MEF2A: variants seen among roughly 807,000 people sequenced by gnomAD.
The protein encoded by MEF2A is myocyte-specific enhancer factor 2A.
Under a neutral mutation model 55.8 loss-of-function variants are expected in MEF2A, and 28 were observed. The observed-to-expected ratio is 0.50, with a 90% confidence interval of 0.37 to 0.69. The LOEUF (loss-of-function observed/expected upper bound fraction) is 0.69, where lower values mean the gene tolerates loss of function less well. Among genes scored for constraint, MEF2A ranks in the 30% least tolerant of loss-of-function variants. MEF2A has a pLI of 0.00. For synonymous variants in MEF2A, 239 were observed against 227.1 expected (o/e 1.05, Z -0.47); for missense variants, 528 against 626.2 (o/e 0.84, Z 1.67).
In MEF2A at chr15:99,671,446, C is replaced by T. The variant is rs1438512460; in HGVS notation, c.382C>T (p.Arg128Ter). 2 of 1,613,862 alleles carry T rather than the reference C, an allele frequency of 1.2e-6. No individual in the cohort carries two copies. The highest frequency in any genetic ancestry group is 8.5e-7 in the Non-Finnish European group (1 of 1,179,786). ...TGAAGATAGTGATTTTATTTTCAAA[C>T]GAGGCCCTGTAAGTACTTTTACTTT... Reference protein sequence around the residue: ...LNEDSDFIFKRGPPGLPPQNF... With the variant: ...LNEDSDFIFK The change falls in exon 5 of 12, where the codon CGA becomes TGA. Residue 128 changes from arginine to a stop codon, truncating the protein, a stop_gained. Coordinates refer to ENST00000557942, the MANE Select transcript of MEF2A (RefSeq NM_001319206.4). LOFTEE classifies it high-confidence loss of function.
At chr15:99,577,571 C>G (rs1213389533) in intron 1 of MEF2A, among the ~76,000 whole-genome samples, 1 of 152,148 alleles carries the variant, frequency 6.6e-6, no homozygotes, top group African/African-American at 2.4e-5. Context: ...AGCTATATAA[C>G]CATAATGTAA....
chr15:99,607,045 G>A (rs1249703156), intron 2 of MEF2A, among the ~76,000 whole-genome samples: 1 of 152,062 alleles, frequency 6.6e-6, no homozygotes, highest in Non-Finnish European at 1.5e-5. Flanking sequence ...AATGAAGCCA[G>A]AAATCACACA....
chr15:99,610,411 GCCCCCCCCCC>G (rs59710476), intron 2 of MEF2A, among the ~76,000 whole-genome samples: 3 of 71,574 alleles, frequency 4.2e-5, no homozygotes, highest in African/African-American at 2.2e-4. Context: ...GGTCTCCCCC[GCCCCCCCCCC>G]CCCCCACCCC....
At chr15:99,609,003 T>G (rs764409600) in intron 2 of MEF2A, among the ~76,000 whole-genome samples, 1 of 152,204 alleles carries the variant, frequency 6.6e-6, no homozygotes, top group African/African-American at 2.4e-5. Context: ...GTAGATAGTT[T>G]AGAGGTATCA....
In MEF2A at chr15:99,715,557, C is replaced by G. The variant is rs1487537818; in HGVS notation, c.*2786C>G. On this transcript the variant is annotated 3_prime_UTR_variant, in exon 12 of 12. Transcript: ENST00000557942. The stretch of plus-strand genomic sequence containing the variant: ...TGACAGACATCTCTCACCCAGACGC[C>G]CACGTGTGAACACACCCACATCCAC... 2 of 152,214 alleles carry G rather than the reference C, an allele frequency of 1.3e-5. No individual in the cohort carries two copies. Among genetic ancestry groups the G allele is most frequent in the Non-Finnish European group, 2.9e-5 (2 of 68,054 alleles). The allele number at this position is 152,214 out of a possible 1,614,324, so 9.4% of individuals were successfully genotyped here. A position where few individuals can be genotyped will look rare whatever the true frequency, so the allele number is the denominator to read the frequency against.
chr15:99,707,940 A>G (rs947699926), intron 10 of MEF2A, among the ~76,000 whole-genome samples: 33 of 87,606 alleles, frequency 3.8e-4, no homozygotes, highest in Admixed American at 5.0e-4. Context: ...GTTTTATTGA[A>G]AAAAAAAAAG....
intron 2 of MEF2A, among the ~76,000 whole-genome samples, chr15:99,610,412 C>A: frequency 1.2e-3 from 1 of 852 alleles, no homozygotes; most frequent in Non-Finnish European, 0.01. Flanking sequence ...GTCTCCCCCG[C>A]CCCCCCCCCC....
intron 1 of MEF2A, among the ~76,000 whole-genome samples, chr15:99,595,709 G>A (rs768056030): frequency 3.3e-5 from 5 of 152,172 alleles, no homozygotes; most frequent in Non-Finnish European, 5.9e-5. Context: ...TACCCCCTGG[G>A]AGTGATGGTG....
intron 1 of MEF2A, among the ~76,000 whole-genome samples, chr15:99,582,553 TTTC>T (rs1045311819): frequency 2.0e-5 from 3 of 152,232 alleles, no homozygotes; most frequent in Admixed American, 1.3e-4. Flanking sequence ...GCTTGTCTTA[TTTC>T]TTCTTGTATT....
chr15:99,706,941 T>C (rs1289648892), intron 10 of MEF2A, 86 bp downstream of exon 10: 1 of 1,414,978 alleles, frequency 7.1e-7, no homozygotes, highest in Non-Finnish European at 9.5e-7. Context: ...TTTAAGTATA[T>C]TTATTGAAAT....
chr15:99,566,298 G>T (rs1734264312), intron 1 of MEF2A, among the ~76,000 whole-genome samples, 194 bp downstream of exon 1: 1 of 148,646 alleles, frequency 6.7e-6, no homozygotes, highest in African/African-American at 2.5e-5. Flanking sequence ...GGCCAGGGTC[G>T]CGTTCGCGCA....
chr15:99,701,750 C>T (rs970646319), intron 8 of MEF2A, among the ~76,000 whole-genome samples: 4 of 152,054 alleles, frequency 2.6e-5, no homozygotes, highest in African/African-American at 9.7e-5. Flanking sequence ...AAATACACCC[C>T]AAAAGGGAGC....
At chr15:99,687,011 G>A (rs766226527) in intron 7 of MEF2A, among the ~76,000 whole-genome samples, 1 of 150,004 alleles carries the variant, frequency 6.7e-6, no homozygotes, top group Non-Finnish European at 1.5e-5. Flanking sequence ...TGCAACCTCT[G>A]CCTCCTGGGC....
rs1597301249 is a variant in MEF2A at position 99,704,973 on chromosome 15, AC to A, written c.882+1589del. Among the ~76,000 whole-genome samples, 5 of 152,332 alleles carry A rather than the reference AC, an allele frequency of 3.3e-5. No individual in the cohort carries two copies. In the East Asian group the frequency reaches 9.6e-4, roughly 29 times the overall value. ...AAGACTTTAAAATACATACCTAAAA[AC>A]TTATAAACAGCCATTTATATTATTT... On this transcript the variant is annotated intron_variant, in intron 9 of 11. Transcript: ENST00000557942.
At chr15:99,706,494 T>G in intron 9 of MEF2A, 1 of 468,438 alleles carries the variant, frequency 2.1e-6, no homozygotes, top group Non-Finnish European at 3.9e-6. Flanking sequence ...GTTCCTATTT[T>G]AACGTGGGGT....
At chr15:99,644,641 A>C (rs2045635239) in intron 3 of MEF2A, among the ~76,000 whole-genome samples, 1 of 152,368 alleles carries the variant, frequency 6.6e-6, no homozygotes, top group East Asian at 1.9e-4. Context: ...GTTGTTGCAC[A>C]ATTCCAAAGA....
At chr15:99,630,208 C>T (rs563185067) in intron 2 of MEF2A, among the ~76,000 whole-genome samples, 2 of 152,092 alleles carry the variant, frequency 1.3e-5, no homozygotes, top group East Asian at 3.9e-4. Flanking sequence ...GTTTTCTCCT[C>T]CCCTCTGAGA....
At chr15:99,676,665 C>T (rs56019946) in intron 7 of MEF2A, among the ~76,000 whole-genome samples, 16 of 152,024 alleles carry the variant, frequency 1.1e-4, no homozygotes, top group African/African-American at 2.7e-4. Context: ...CTTCACCTCC[C>T]GGGTTCACGC....
intron 4 of MEF2A, among the ~76,000 whole-genome samples, chr15:99,667,377 C>T (rs999273504): frequency 8.5e-5 from 13 of 152,230 alleles, no homozygotes; most frequent in South Asian, 2.1e-4. Context: ...CCCGCCACCA[C>T]GCCCAGCTAA....
Sources: allele counts gnomAD v4.1 joint callset (sites outside exome capture counted in the v4.1 genomes callset), GRCh38; gene constraint gnomAD v4.1.1; transcripts MANE v1.5; gene names NCBI Gene and HGNC (gene_info 2026-07-23, HGNC 2026-07-21).